Variants in LRRC4C observed in about 807,000 individuals in gnomAD.
The protein encoded by LRRC4C is leucine rich repeat containing 4C.
In LRRC4C, 5 loss-of-function variants were observed where a neutral mutation model predicts 33.6. The observed-to-expected ratio is 0.15, with a 90% confidence interval of 0.08 to 0.31. The LOEUF is 0.31. Ranked by LOEUF, LRRC4C falls within the 10% of genes least tolerant of loss-of-function variation. The probability of loss-of-function intolerance (pLI) is 1.00; values close to 1 mark genes in which losing one functional copy is unlikely to be tolerated. For missense variants in LRRC4C, 560 were observed against 796.7 expected (o/e 0.70, Z 3.58); for synonymous variants, 329 against 302.0 (o/e 1.09, Z -0.93).
intron 1 of LRRC4C, among the ~76,000 whole-genome samples, chr11:41,099,056 C>A (rs1940995021): frequency 6.6e-6 from 1 of 152,016 alleles, no homozygotes; most frequent in African/African-American, 2.4e-5. Context: ...GTGATGAATA[C>A]CTCTGTGTAC....
At chr11:40,469,211 T>C (rs944494428) in intron 3 of LRRC4C, among the ~76,000 whole-genome samples, 1 of 152,048 alleles carries the variant, frequency 6.6e-6, no homozygotes. Context: ...GGTTAGACAG[T>C]GGGTGCAGCC....
At chr11:40,348,272 T>TAAA (rs71060953) in intron 3 of LRRC4C, among the ~76,000 whole-genome samples, 11 of 146,352 alleles carry the variant, frequency 7.5e-5, no homozygotes, top group East Asian at 2.0e-4. Context: ...TTCAATTTGT[T>TAAA]AAAAAAAAAA....
chr11:40,858,585 T>A (rs1953918616), intron 2 of LRRC4C, among the ~76,000 whole-genome samples: 3 of 151,082 alleles, frequency 2.0e-5, no homozygotes, highest in Admixed American at 6.6e-5. Context: ...ACACAGTTAC[T>A]CTGGTGGCTG....
At chr11:40,495,568 A>C (rs1954389026) in intron 3 of LRRC4C, among the ~76,000 whole-genome samples, 1 of 152,124 alleles carries the variant, frequency 6.6e-6, no homozygotes, top group Non-Finnish European at 1.5e-5. Context: ...GTGTGGAAGG[A>C]AGAAGATGAC....
intron 1 of LRRC4C, among the ~76,000 whole-genome samples, chr11:41,129,262 G>A (rs1245959464): frequency 1.3e-5 from 2 of 151,850 alleles, no homozygotes; most frequent in African/African-American, 4.8e-5. Context: ...TACCAACTGC[G>A]AAGTGCATGT....
chr11:40,995,974 T>C (rs912390156), intron 1 of LRRC4C, among the ~76,000 whole-genome samples: 1 of 152,196 alleles, frequency 6.6e-6, no homozygotes, highest in Non-Finnish European at 1.5e-5. Context: ...TTAGATATTT[T>C]TTGATACAGG....
intron 5 of LRRC4C, among the ~76,000 whole-genome samples, chr11:40,144,005 A>T (rs1196767933): frequency 6.6e-6 from 1 of 152,188 alleles, no homozygotes; most frequent in Non-Finnish European, 1.5e-5. Flanking sequence ...CGATAGCTAG[A>T]TCAGAGCTGT....
At chr11:41,162,284 A>G (rs1944507722) in intron 1 of LRRC4C, among the ~76,000 whole-genome samples, 1 of 152,088 alleles carries the variant, frequency 6.6e-6, no homozygotes, top group African/African-American at 2.4e-5. Flanking sequence ...TATCACCAAT[A>G]AAGGCAATAC....
chr11:40,147,462 C>A (rs1220332922), intron 5 of LRRC4C, among the ~76,000 whole-genome samples: 1 of 152,058 alleles, frequency 6.6e-6, no homozygotes, highest in East Asian at 1.9e-4. Flanking sequence ...TAGATTCCAA[C>A]CTTATCACCC....
intron 4 of LRRC4C, among the ~76,000 whole-genome samples, chr11:40,298,530 T>A (rs1268234598): frequency 1.3e-4 from 20 of 151,324 alleles, no homozygotes; most frequent in Admixed American, 1.3e-3. Context: ...AGATCATGAG[T>A]ACCTTTTCAG....
At chr11:40,733,127 G>A (rs1391312707) in intron 2 of LRRC4C, among the ~76,000 whole-genome samples, 1 of 127,816 alleles carries the variant, frequency 7.8e-6, no homozygotes, top group East Asian at 2.5e-4. Flanking sequence ...CCAGGCTGGA[G>A]TAGCGTGGCG....
chr11:41,069,237 T>G (rs997616961), intron 1 of LRRC4C, among the ~76,000 whole-genome samples: 2 of 152,166 alleles, frequency 1.3e-5, no homozygotes, highest in African/African-American at 4.8e-5. Context: ...TGTTAAAAAC[T>G]CTCAATAAAC....
At chr11:41,437,095 A>C (rs1748151836) in intron 1 of LRRC4C, among the ~76,000 whole-genome samples, 1 of 152,168 alleles carries the variant, frequency 6.6e-6, no homozygotes, top group African/African-American at 2.4e-5. Context: ...CATAACACCA[A>C]ATACAAGCCC....
At chr11:40,706,028 C>A (rs528345119) in intron 2 of LRRC4C, among the ~76,000 whole-genome samples, 2 of 152,106 alleles carry the variant, frequency 1.3e-5, no homozygotes, top group Admixed American at 1.3e-4. Context: ...ATGTTCATAT[C>A]CTTTGCCCAC....
intron 1 of LRRC4C, among the ~76,000 whole-genome samples, chr11:41,083,359 G>C (rs1939720405): frequency 6.6e-6 from 1 of 152,128 alleles, no homozygotes. Context: ...AAATAATTGT[G>C]ATTGGTATCT....
chr11:40,262,915 G>T (rs1941968202), intron 4 of LRRC4C, among the ~76,000 whole-genome samples: 1 of 151,638 alleles, frequency 6.6e-6, no homozygotes, highest in African/African-American at 2.4e-5. Context: ...AACCACCATG[G>T]CACGTGTATA....
chr11:40,191,478 C>T (rs931789644), intron 5 of LRRC4C, among the ~76,000 whole-genome samples: 2 of 152,130 alleles, frequency 1.3e-5, no homozygotes, highest in Admixed American at 1.3e-4. Context: ...TGGCAATTCC[C>T]ATTCCTGTCA....
At chr11:40,639,823 A>G (rs548601849) in intron 3 of LRRC4C, among the ~76,000 whole-genome samples, 7 of 152,366 alleles carry the variant, frequency 4.6e-5, no homozygotes, top group East Asian at 1.9e-4. Flanking sequence ...ATTTTTCAGC[A>G]TATTTGTCAC....
At chr11:40,403,955 A>G (rs1195897168) in intron 3 of LRRC4C, among the ~76,000 whole-genome samples, 5 of 152,170 alleles carry the variant, frequency 3.3e-5, no homozygotes, top group African/African-American at 4.8e-5. Context: ...TCAAGATAAT[A>G]GATTATTTCA....
Sources: gnomAD v4.1 joint callset for allele counts (sites outside exome capture counted in the v4.1 genomes callset) on GRCh38, gnomAD v4.1.1 for gene constraint, MANE v1.5 for transcripts, NCBI Gene and HGNC (gene_info 2026-07-23, HGNC 2026-07-21) for gene names.